Variants in SPOCK1 observed in about 807,000 individuals in gnomAD.
SPOCK1 encodes the protein testican-1.
A neutral mutation model predicts 55.3 loss-of-function variants in SPOCK1; 23 were observed. The observed-to-expected ratio is 0.42, with a 90% CI of 0.30 to 0.59. SPOCK1 has a LOEUF of 0.59. SPOCK1 is among the 20% of genes least tolerant of loss of function. The pLI, the probability that SPOCK1 is intolerant of heterozygous loss-of-function variation, is 0.22. For missense variants in SPOCK1, 499 were observed against 552.5 expected (o/e 0.90, Z 0.97); for synonymous variants, 226 against 221.0 (o/e 1.02, Z -0.20).
At chr5:137,465,952 C>CT in intron 2 of SPOCK1, among the ~76,000 whole-genome samples, 1 of 152,348 alleles carries the variant, frequency 6.6e-6, no homozygotes, top group East Asian at 1.9e-4. Context: ...ACATTTATCT[C>CT]TTCCCCCAAA....
intron 2 of SPOCK1, among the ~76,000 whole-genome samples, chr5:137,457,733 C>T (rs1753395359): frequency 6.6e-6 from 1 of 152,092 alleles, no homozygotes; most frequent in Admixed American, 6.6e-5. Flanking sequence ...ACTGAGCCTA[C>T]CTTCACAGAA....
intron 2 of SPOCK1, among the ~76,000 whole-genome samples, chr5:137,390,942 A>T (rs10061773): frequency 0.085 from 12,999 of 152,214 alleles, 1,262 homozygotes; most frequent in African/African-American, 0.24. Flanking sequence ...CAGAACGTGC[A>T]GGTTTGTTAC....
chr5:137,222,980 T>C (rs558160867), intron 3 of SPOCK1, among the ~76,000 whole-genome samples: 1 of 151,724 alleles, frequency 6.6e-6, no homozygotes, highest in South Asian at 2.1e-4. Context: ...AAAATTTAAG[T>C]CTTCTTAGGG....
chr5:136,982,538 T>G (rs1750752650), intron 9 of SPOCK1, among the ~76,000 whole-genome samples: 1 of 152,206 alleles, frequency 6.6e-6, no homozygotes, highest in Admixed American at 6.5e-5. Context: ...CTAATATTCT[T>G]GTGGTTACTC....
At chr5:137,328,212 T>C (rs1758111695) in intron 2 of SPOCK1, among the ~76,000 whole-genome samples, 1 of 152,234 alleles carries the variant, frequency 6.6e-6, no homozygotes, top group Non-Finnish European at 1.5e-5. Context: ...CCCAGATAGA[T>C]GGCAAACTTA....
intron 4 of SPOCK1, among the ~76,000 whole-genome samples, chr5:137,128,031 A>G (rs887061074): frequency 1.3e-5 from 2 of 152,196 alleles, no homozygotes; most frequent in Non-Finnish European, 2.9e-5. Context: ...CTAATCCCCA[A>G]TGTGAGGGTA....
intron 2 of SPOCK1, among the ~76,000 whole-genome samples, chr5:137,338,251 G>A (rs1387497640): frequency 3.5e-5 from 5 of 141,734 alleles, no homozygotes; most frequent in African/African-American, 8.0e-5. Context: ...TCCCACCTAT[G>A]AGTGAGAACA....
intron 6 of SPOCK1, among the ~76,000 whole-genome samples, chr5:137,041,780 A>G (rs536888011): frequency 1.3e-5 from 2 of 152,350 alleles, no homozygotes; most frequent in East Asian, 3.9e-4. Context: ...TATAGTGTCT[A>G]AAATCCAAAA....
chr5:137,035,235 C>T (rs1449509057), intron 6 of SPOCK1, among the ~76,000 whole-genome samples: 1 of 152,204 alleles, frequency 6.6e-6, no homozygotes, highest in Non-Finnish European at 1.5e-5. Flanking sequence ...AGCCAAGGAG[C>T]ACAGCCAGCC....
At chr5:137,064,068 G>A (rs147625796) in intron 6 of SPOCK1, among the ~76,000 whole-genome samples, 129 of 152,238 alleles carry the variant, frequency 8.5e-4, no homozygotes, top group African/African-American at 2.9e-3. Flanking sequence ...CGTGACCTTA[G>A]TGGACAAGGT....
intron 2 of SPOCK1, among the ~76,000 whole-genome samples, chr5:137,289,083 T>C (rs943950280): frequency 3.3e-5 from 5 of 152,156 alleles, no homozygotes; most frequent in African/African-American, 1.2e-4. Flanking sequence ...ACCTTAGAAA[T>C]GAACTGAACC....
chr5:137,074,853 C>G (rs947859148), intron 5 of SPOCK1, among the ~76,000 whole-genome samples: 2 of 151,994 alleles, frequency 1.3e-5, no homozygotes, highest in South Asian at 4.1e-4. Flanking sequence ...TACAGGCACC[C>G]GCCACCACGC....
intron 4 of SPOCK1, among the ~76,000 whole-genome samples, chr5:137,133,300 G>A (rs1033873789): frequency 6.6e-6 from 1 of 151,680 alleles, no homozygotes; most frequent in African/African-American, 2.4e-5. Context: ...AACCCAGGAG[G>A]CGGAGGTTGC....
At chr5:137,391,264 T>C (rs979584052) in intron 2 of SPOCK1, among the ~76,000 whole-genome samples, 6 of 152,232 alleles carry the variant, frequency 3.9e-5, no homozygotes, top group African/African-American at 1.2e-4. Flanking sequence ...TATTCCATTA[T>C]GCATATGTGC....
intron 2 of SPOCK1, among the ~76,000 whole-genome samples, chr5:137,401,812 C>G (rs1247538101): frequency 6.6e-6 from 1 of 152,004 alleles, no homozygotes; most frequent in Admixed American, 6.6e-5. Context: ...ACAGCTTGCA[C>G]CAAGGAAAAT....
chr5:137,383,563 T>TCCTTC (rs1335021161), intron 2 of SPOCK1, among the ~76,000 whole-genome samples: 6 of 152,296 alleles, frequency 3.9e-5, no homozygotes, highest in Non-Finnish European at 8.8e-5. Flanking sequence ...GGTAACTTCC[T>TCCTTC]CCTTCCCTCT....
At chr5:137,441,396 T>C (rs1753003774) in intron 2 of SPOCK1, among the ~76,000 whole-genome samples, 3 of 152,312 alleles carry the variant, frequency 2.0e-5, no homozygotes, top group South Asian at 4.1e-4. Context: ...TGTTCTCCTT[T>C]GGGACTGGAC....
At position 137,112,573 on chromosome 5, in the gene SPOCK1, A is replaced by C; in HGVS notation, c.348-12T>G. ...TCCCCTTCTTTTGCCTAAAGATGAG[A>C]AAAAAGGGGATAAATTAGTTGAAGC... On this transcript the variant is annotated splice_polypyrimidine_tract_variant and intron_variant, in intron 4 of 10. Transcript: ENST00000394945. The C allele has an allele frequency of 6.2e-7, 1 of 1,610,528 alleles. No individual in the cohort carries two copies. Among genetic ancestry groups the C allele is most frequent in the Middle Eastern group, 1.8e-4 (1 of 5,694 alleles).
chr5:137,069,692 G>A (rs1166651695), intron 5 of SPOCK1, among the ~76,000 whole-genome samples: 4 of 152,224 alleles, frequency 2.6e-5, no homozygotes, highest in Non-Finnish European at 5.9e-5. Flanking sequence ...GCCGGACACA[G>A]CTGCCATGAC....
Sources: allele counts gnomAD v4.1 joint callset (sites outside exome capture counted in the v4.1 genomes callset), GRCh38; gene constraint gnomAD v4.1.1; transcripts MANE v1.5; gene names NCBI Gene and HGNC (gene_info 2026-07-23, HGNC 2026-07-21).